The following EMC3 variants were observed in gnomAD, a reference collection of about 807,000 sequenced individuals.
The protein encoded by EMC3 is ER membrane protein complex subunit 3.
A neutral mutation model predicts 36.6 loss-of-function variants in EMC3; 13 were observed. That is an observed-to-expected ratio of 0.35 (90% confidence interval 0.23 to 0.56). The LOEUF (loss-of-function observed/expected upper bound fraction) is 0.56. Ranked by LOEUF, EMC3 falls within the 20% of genes least tolerant of loss-of-function variation. The pLI is 0.84. For missense variants in EMC3, 220 were observed against 324.5 expected (o/e 0.68, Z 2.47); for synonymous variants, 120 against 111.9 (o/e 1.07, Z -0.46).
intron 1 of EMC3, chr3:9,992,811 T>G (rs2124927750): frequency 9.4e-7 from 1 of 1,064,730 alleles, no homozygotes; most frequent in East Asian, 2.5e-5. Context: ...GAGGAAAAGC[T>G]GCTGTTTCAT....
At chr3:9,986,987 G>A (rs1222446705), upstream of EMC3, 3 of 1,096,064 alleles carry the variant, frequency 2.7e-6, no homozygotes, top group Admixed American at 4.6e-5. Context: ...AGGCCAAGGT[G>A]GGGGGATCAC....
At chr3:10,003,366 G>T (rs1053390097) in intron 1 of EMC3, 1 of 371,170 alleles carries the variant, frequency 2.7e-6, no homozygotes, top group Admixed American at 3.5e-5. Flanking sequence ...CCGCCGAAAA[G>T]GAGGAATAAG....
At chr3:9,978,965 T>C (rs2085880785) in intron 1 of EMC3, among the ~76,000 whole-genome samples, 1 of 152,220 alleles carries the variant, frequency 6.6e-6, no homozygotes, top group African/African-American at 2.4e-5. Flanking sequence ...TTCTAGTTTC[T>C]CCACATGCTG....
intron 1 of EMC3, among the ~76,000 whole-genome samples, chr3:9,983,555 G>A (rs1028740747): frequency 5.3e-5 from 8 of 152,014 alleles, no homozygotes; most frequent in South Asian, 2.1e-4. Context: ...GCCGCTAATC[G>A]CAGCCACTCG....
chr3:9,985,229 C>T (rs2085957430), intron 1 of EMC3, among the ~76,000 whole-genome samples: 2 of 152,050 alleles, frequency 1.3e-5, no homozygotes, highest in Admixed American at 1.3e-4. Context: ...AGTATTGTCA[C>T]AAAAAAGAAA....
chr3:9,994,406 TACTGAAGGGAAAGTAGCTCTGA>T (rs1271863601), intron 1 of EMC3: 12 of 552,808 alleles, frequency 2.2e-5, no homozygotes, highest in Admixed American at 1.5e-4. Flanking sequence ...GGTTGGAACT[TACTGAAGGGAAAGTAGCTCTGA>T]ACTGGGTCTC....
intron 1 of EMC3, among the ~76,000 whole-genome samples, chr3:9,980,576 C>G (rs2085900651): frequency 7.3e-6 from 1 of 137,198 alleles, no homozygotes; most frequent in Admixed American, 7.6e-5. Flanking sequence ...TTTGTAGAGA[C>G]AGGGTCTCAC....
Position 9,996,044 on chromosome 3 carries a change from C to T in EMC3, c.-241-9142G>A, listed in dbSNP as rs1401946729. Among the ~76,000 whole-genome samples, 4 of 152,284 alleles carry T rather than the reference C, an allele frequency of 2.6e-5. No individual in the cohort carries two copies. In the South Asian group the frequency reaches 6.2e-4, roughly 24 times the overall value. ...ATTAGGGTAGAGATGGGTCTGTGGT[C>T]AGCTAACCATGAAACTGTTCAGGTT... On this transcript the variant is annotated intron_variant, in intron 1 of 8. Transcript: ENST00000470827.
At chr3:9,986,462 A>G in intron 1 of EMC3, 45 bp downstream of exon 1, 2 of 1,599,604 alleles carry the variant, frequency 1.3e-6, no homozygotes, top group Non-Finnish European at 1.7e-6. Context: ...TTTTTGCCCA[A>G]GGTCACGGCG....
rs2085822958 is a variant in EMC3 at position 9,974,495 on chromosome 3, C to T, written c.308-7G>A. ...TCTGTCAACATAGTAGGATCTAAGA[C>T]AAAAGCACAAACAAGAAACCACTAA... On this transcript the variant is annotated splice_polypyrimidine_tract_variant and splice_region_variant and intron_variant, in intron 3 of 7. Coordinates refer to ENST00000245046, the MANE Select transcript of EMC3 (RefSeq NM_001394674.1). 4 of 1,573,830 alleles carry T rather than the reference C, an allele frequency of 2.5e-6. No homozygotes were observed. The Admixed American group carries it at 5.0e-5, about 20-fold the overall frequency.
intron 1 of EMC3, among the ~76,000 whole-genome samples, chr3:9,999,973 C>A (rs1292133690): frequency 6.6e-6 from 1 of 152,072 alleles, no homozygotes; most frequent in Non-Finnish European, 1.5e-5. Flanking sequence ...ATTCACATAA[C>A]CAGTTAAATA....
At chr3:9,988,337 A>G, upstream of EMC3, 2 of 865,716 alleles carry the variant, frequency 2.3e-6, no homozygotes, top group Non-Finnish European at 4.0e-6. Flanking sequence ...TCTGGTAGGT[A>G]GAAGAGTAAT....
intron 1 of EMC3, among the ~76,000 whole-genome samples, chr3:9,983,532 C>T (rs2085934887): frequency 6.6e-6 from 1 of 152,126 alleles, no homozygotes; most frequent in Admixed American, 6.6e-5. Context: ...ATTAGCCAGG[C>T]ATGCTGGCGC....
intron 1 of EMC3, among the ~76,000 whole-genome samples, chr3:9,983,402 C>T (rs2085933344): frequency 6.6e-6 from 1 of 152,140 alleles, no homozygotes; most frequent in Admixed American, 6.6e-5. Context: ...CCCACCTCAG[C>T]CTCCCTAAGT....
chr3:9,967,934 T>C (rs902875519), intron 7 of EMC3, among the ~76,000 whole-genome samples: 1 of 152,276 alleles, frequency 6.6e-6, no homozygotes, highest in Non-Finnish European at 1.5e-5. Flanking sequence ...GCCATTTCTT[T>C]TTTTTTGAGA....
intron 6 of EMC3, 41 bp downstream of exon 6, chr3:9,970,541 C>T: frequency 6.3e-7 from 1 of 1,594,028 alleles, no homozygotes; most frequent in Non-Finnish European, 8.6e-7. Flanking sequence ...GATGATTCAT[C>T]TATGGAAGTA....
At chr3:9,966,035 G>A (rs2124897987) in intron 7 of EMC3, among the ~76,000 whole-genome samples, 1 of 152,260 alleles carries the variant, frequency 6.6e-6, no homozygotes, top group South Asian at 2.1e-4. Flanking sequence ...TTACTTAAGA[G>A]TGAAATTACT....
chr3:9,982,963 C>T (rs1226246991), intron 1 of EMC3, among the ~76,000 whole-genome samples: 1 of 151,790 alleles, frequency 6.6e-6, no homozygotes, highest in Non-Finnish European at 1.5e-5. Context: ...TCAGCATGTA[C>T]AGCATTTTGC....
In EMC3 at chr3:10,001,434, C is replaced by T. The variant is rs1441873158; in HGVS notation, c.-242+9589G>A. ...AAAAAAAAAAAAAAAAAAAATTAGC[C>T]GGGTGTGGTGGTGGGCGCCTGTAGT... On this transcript the variant is annotated intron_variant, in intron 1 of 8. Transcript: ENST00000470827. Among the ~76,000 whole-genome samples, 9 of 148,668 alleles carry T rather than the reference C, an allele frequency of 6.1e-5. No individual in the cohort carries two copies. In the East Asian group the frequency reaches 7.9e-4, roughly 13 times the overall value.
Sources: allele counts gnomAD v4.1 joint callset (sites outside exome capture counted in the v4.1 genomes callset), GRCh38; gene constraint gnomAD v4.1.1; transcripts MANE v1.5; gene names NCBI Gene and HGNC (gene_info 2026-07-23, HGNC 2026-07-21).